The following NHS variants were observed in gnomAD, a reference collection of about 807,000 sequenced individuals.
The protein encoded by NHS is actin remodeling regulator NHS.
NHS carries 5 observed loss-of-function variants against 72.5 expected under a neutral mutation model. The ratio of observed to expected loss-of-function variants is 0.07; its 90% CI spans 0.04 to 0.14. The LOEUF is 0.14. NHS is among the 10% of genes least tolerant of loss of function. The probability of loss-of-function intolerance (pLI) is 1.00; values close to 1 mark genes in which losing one functional copy is unlikely to be tolerated. For synonymous variants in NHS, 464 were observed against 547.7 expected, an observed-to-expected ratio of 0.85 and a Z score of 2.13; for missense variants, 1,072 against 1,355.7, an observed-to-expected ratio of 0.79 and a Z score of 3.29.
chrX:17,702,705 T>C (rs1020605365), intron 3 of NHS, among the ~76,000 whole-genome samples: 5 of 111,243 alleles, frequency 4.5e-5, no homozygotes, highest in Admixed American at 2.9e-4. Context: ...CAAAAACATC[T>C]TGCTATACAA....
rs770881930 is a variant in NHS, at chrX:17,592,335, CT to C, written c.566-95403del. On this transcript the variant is annotated intron_variant, in intron 1 of 8. Coordinates refer to ENST00000676302, the MANE Select transcript of NHS (RefSeq NM_001291867.2). ...TTGTAGAATATTGTTCTATATTTAG[CT>C]TTTGTGTCAGCCCTAGGTTTTAAAG... Among the ~76,000 whole-genome samples the C allele has an allele frequency of 3.6e-5, 4 of 111,846 alleles. No individual in the cohort carries two copies. In the South Asian group the frequency reaches 1.5e-3, roughly 42 times the overall value.
At chrX:17,539,189 C>G (rs1365464203) in intron 1 of NHS, among the ~76,000 whole-genome samples, 1 of 111,635 alleles carries the variant, frequency 9.0e-6, no homozygotes, top group Non-Finnish European at 1.9e-5. Context: ...ATGCTTTCCC[C>G]TGAAAGCATG....
intron 1 of NHS, among the ~76,000 whole-genome samples, chrX:17,549,597 GAC>G (rs1337707295): frequency 8.9e-6 from 1 of 111,887 alleles, no homozygotes; most frequent in Admixed American, 9.5e-5. Flanking sequence ...AGGATGCGCT[GAC>G]CACAGAAAAG....
At chrX:17,665,673 C>T (rs2066008887) in intron 1 of NHS, among the ~76,000 whole-genome samples, 3 of 111,351 alleles carry the variant, frequency 2.7e-5, no homozygotes, top group African/African-American at 9.8e-5. Flanking sequence ...ATATAGACTT[C>T]ATACAATGAG....
intron 1 of NHS, among the ~76,000 whole-genome samples, chrX:17,491,686 G>A (rs774284228): frequency 9.1e-6 from 1 of 109,551 alleles, no homozygotes; most frequent in Non-Finnish European, 1.9e-5. Flanking sequence ...AATAGTTTCA[G>A]AAGGAATGGT....
intron 3 of NHS, among the ~76,000 whole-genome samples, chrX:17,701,731 G>A (rs1461802665): frequency 9.0e-6 from 1 of 110,829 alleles, no homozygotes; most frequent in African/African-American, 3.3e-5. Context: ...GTAGATATTT[G>A]ATATGTGTGT....
At chrX:17,582,115 T>C (rs1337809804) in intron 1 of NHS, among the ~76,000 whole-genome samples, 1 of 111,735 alleles carries the variant, frequency 8.9e-6, no homozygotes, top group Admixed American at 9.5e-5. Flanking sequence ...GCCTCAAATT[T>C]ATTCAGTTTC....
intron 1 of NHS, among the ~76,000 whole-genome samples, chrX:17,420,462 G>A: frequency 9.1e-6 from 1 of 110,146 alleles, no homozygotes; most frequent in East Asian, 2.9e-4. Flanking sequence ...AACTATCCAT[G>A]TACCCATCCA....
chrX:17,499,235 G>A (rs2065026769), intron 1 of NHS, among the ~76,000 whole-genome samples: 1 of 110,730 alleles, frequency 9.0e-6, no homozygotes, highest in Non-Finnish European at 1.9e-5. Flanking sequence ...TGGAGAGTTG[G>A]CACTCTTTCA....
intron 1 of NHS, among the ~76,000 whole-genome samples, chrX:17,430,264 T>TTTCC (rs1491324740): frequency 2.2e-4 from 3 of 13,450 alleles, no homozygotes; most frequent in East Asian, 1.9e-3. Flanking sequence ...TTTCTTTTTC[T>TTTCC]TTCTTTCTTT....
At chrX:17,419,930 T>G (rs1187459128) in intron 1 of NHS, among the ~76,000 whole-genome samples, 1 of 112,047 alleles carries the variant, frequency 8.9e-6, no homozygotes, top group East Asian at 2.8e-4. Flanking sequence ...CGTGTTTACC[T>G]TATGTGTATC....
At chrX:17,705,431 G>C (rs2066289993) in intron 3 of NHS, 1 of 112,672 alleles carries the variant, frequency 8.9e-6, no homozygotes, top group African/African-American at 3.2e-5. Flanking sequence ...TTAGCCTCCT[G>C]GATGGTTCTG....
chrX:17,644,532 A>G (rs758497588), intron 1 of NHS, among the ~76,000 whole-genome samples: 2 of 111,196 alleles, frequency 1.8e-5, no homozygotes, highest in Non-Finnish European at 3.8e-5. Flanking sequence ...TCCATAGCCT[A>G]TATGTAAAGG....
chrX:17,555,601 A>G (rs1166627951), intron 1 of NHS, among the ~76,000 whole-genome samples: 2 of 112,047 alleles, frequency 1.8e-5, no homozygotes, highest in African/African-American at 6.5e-5. Flanking sequence ...TGCTTAGCAC[A>G]GGTTGCATAT....
intron 1 of NHS, among the ~76,000 whole-genome samples, chrX:17,678,314 GAGAC>G (rs1444187870): frequency 9.2e-6 from 1 of 108,586 alleles, no homozygotes. Flanking sequence ...GAGAGAGAGA[GAGAC>G]AGAGAATTAG....
chrX:17,637,229 A>G (rs771750460), intron 1 of NHS, among the ~76,000 whole-genome samples: 1 of 112,005 alleles, frequency 8.9e-6, no homozygotes, highest in South Asian at 3.7e-4. Flanking sequence ...AGGCCTGAAG[A>G]ACTAAGTAAT....
At chrX:17,588,591 ATT>A (rs55775230) in intron 1 of NHS, among the ~76,000 whole-genome samples, 75 of 102,508 alleles carry the variant, frequency 7.3e-4, no homozygotes, top group Admixed American at 2.0e-3. Flanking sequence ...TTTGTGGGGG[ATT>A]TTTTTTTTTT....
chrX:17,382,753 T>G (rs2064383985), intron 1 of NHS, among the ~76,000 whole-genome samples: 1 of 112,447 alleles, frequency 8.9e-6, no homozygotes, highest in Non-Finnish European at 1.9e-5. Flanking sequence ...TTATCTTAGC[T>G]TTTCTCATTC....
intron 1 of NHS, among the ~76,000 whole-genome samples, chrX:17,579,198 GA>G (rs1277899481): frequency 8.9e-6 from 1 of 111,992 alleles, no homozygotes; most frequent in Admixed American, 9.4e-5. Flanking sequence ...AGTAAAAAGT[GA>G]AAAAAATAAT....
Sources: allele counts gnomAD v4.1 joint callset (sites outside exome capture counted in the v4.1 genomes callset), GRCh38; gene constraint gnomAD v4.1.1; transcripts MANE v1.5; gene names NCBI Gene and HGNC (gene_info 2026-07-23, HGNC 2026-07-21).